Variants in BABAM2 observed in about 807,000 individuals in gnomAD.
The protein encoded by BABAM2 is BRISC and BRCA1 A complex member 2.
A neutral mutation model predicts 54.7 loss-of-function variants in BABAM2; 31 were observed. The ratio of observed to expected loss-of-function variants is 0.57; its 90% confidence interval spans 0.43 to 0.77. The LOEUF is 0.77. Among genes scored for constraint, BABAM2 ranks in the 30% least tolerant of loss-of-function variants. The pLI, the probability that BABAM2 is intolerant of heterozygous loss-of-function variation, is 0.00. For synonymous variants in BABAM2, 167 were observed against 162.9 expected (o/e 1.03, Z -0.19); for missense variants, 364 against 455.8 (o/e 0.80, Z 1.83).
In BABAM2 at chr2:28,270,459, G is replaced by T. The variant is rs534712134; in HGVS notation, c.934+25597G>T. The stretch of plus-strand genomic sequence containing the variant: ...AAAATTAAATTATCTCTTTAAAAAG[G>T]AGCAGGCCTAGGAACAAGCTCTTTA... On this transcript the variant is annotated intron_variant, in intron 10 of 11. Coordinates refer to ENST00000379624, the MANE Select transcript of BABAM2 (RefSeq NM_199191.3). Among the ~76,000 whole-genome samples the T allele has an allele frequency of 9.8e-5, 15 of 152,312 alleles. No homozygotes were observed. The South Asian group carries it at 3.1e-3, about 32-fold the overall frequency.
chr2:28,315,466 C>CTTTTA (rs1689466904), intron 11 of BABAM2, among the ~76,000 whole-genome samples: 1 of 126,208 alleles, frequency 7.9e-6, no homozygotes, highest in Admixed American at 8.2e-5. Context: ...CTTTTCTTTT[C>CTTTTA]TTTTCTTTTC....
At chr2:28,164,485 G>A (rs1173085438) in intron 7 of BABAM2, among the ~76,000 whole-genome samples, 2 of 151,140 alleles carry the variant, frequency 1.3e-5, no homozygotes, top group Non-Finnish European at 2.9e-5. Flanking sequence ...GTGAACAGAT[G>A]TTTATCCCAC....
intron 6 of BABAM2, among the ~76,000 whole-genome samples, chr2:28,117,191 T>C (rs1277479698): frequency 6.6e-6 from 1 of 152,216 alleles, no homozygotes; most frequent in Non-Finnish European, 1.5e-5. Flanking sequence ...AAAGCTTTCC[T>C]CTGGCAGGTA....
intron 3 of BABAM2, among the ~76,000 whole-genome samples, chr2:27,934,586 G>C (rs1668357455): frequency 1.3e-5 from 2 of 152,224 alleles, no homozygotes; most frequent in African/African-American, 2.4e-5. Flanking sequence ...AGTGAGGAAG[G>C]CATGTTGAAA....
chr2:28,098,117 T>A (rs1006006671), intron 6 of BABAM2, among the ~76,000 whole-genome samples: 2 of 152,266 alleles, frequency 1.3e-5, no homozygotes, highest in Admixed American at 6.5e-5. Context: ...CAGTGTTTTA[T>A]TAAATCTACA....
intron 4 of BABAM2, among the ~76,000 whole-genome samples, chr2:28,001,248 AG>A (rs1446851385): frequency 6.6e-6 from 1 of 152,184 alleles, no homozygotes; most frequent in Non-Finnish European, 1.5e-5. Context: ...GATTATTTTA[AG>A]ATCCCATTTG....
intron 6 of BABAM2, among the ~76,000 whole-genome samples, chr2:28,117,951 A>T (rs1180187451): frequency 3.3e-5 from 5 of 152,186 alleles, no homozygotes; most frequent in Non-Finnish European, 7.4e-5. Flanking sequence ...CTTTTCTTTA[A>T]GTTATGGAGA....
chr2:28,062,840 G>A (rs752796754), intron 6 of BABAM2, among the ~76,000 whole-genome samples: 3 of 152,172 alleles, frequency 2.0e-5, no homozygotes, highest in Non-Finnish European at 4.4e-5. Context: ...TCTAATGTGT[G>A]CCATTCTGTG....
intron 4 of BABAM2, among the ~76,000 whole-genome samples, chr2:28,001,190 C>A (rs958571582): frequency 6.6e-6 from 1 of 152,196 alleles, no homozygotes; most frequent in Non-Finnish European, 1.5e-5. Flanking sequence ...TTACTGATGT[C>A]TTCAACTCTT....
intron 11 of BABAM2, among the ~76,000 whole-genome samples, chr2:28,334,659 T>C (rs1036353947): frequency 6.6e-6 from 1 of 152,198 alleles, no homozygotes; most frequent in African/African-American, 2.4e-5. Flanking sequence ...CAAGGCTCTC[T>C]CCGGCCGCAC....
chr2:28,261,809 GC>G (rs1684568309), intron 10 of BABAM2, among the ~76,000 whole-genome samples: 1 of 141,498 alleles, frequency 7.1e-6, no homozygotes, highest in African/African-American at 2.7e-5. Flanking sequence ...CCTTCCAGTG[GC>G]CTCCAGACCT....
chr2:27,948,419 C>T (rs967692142), intron 3 of BABAM2, among the ~76,000 whole-genome samples: 1 of 152,086 alleles, frequency 6.6e-6, no homozygotes, highest in Non-Finnish European at 1.5e-5. Flanking sequence ...AATCTGAATG[C>T]CTTTTCTTTC....
At chr2:27,902,636 A>G (rs1008381723) in intron 2 of BABAM2, among the ~76,000 whole-genome samples, 1 of 152,150 alleles carries the variant, frequency 6.6e-6, no homozygotes, top group Non-Finnish European at 1.5e-5. Context: ...GCTTATTGGC[A>G]ATTCAGATTT....
At chr2:28,214,435 G>A (rs1679752036) in intron 7 of BABAM2, among the ~76,000 whole-genome samples, 1 of 152,056 alleles carries the variant, frequency 6.6e-6, no homozygotes, top group African/African-American at 2.4e-5. Context: ...TTGATTTTGT[G>A]TCCAACAATC....
chr2:28,064,597 A>G (rs1177745608), intron 6 of BABAM2, among the ~76,000 whole-genome samples: 1 of 152,212 alleles, frequency 6.6e-6, no homozygotes, highest in African/African-American at 2.4e-5. Context: ...TGTTCAATTG[A>G]TACTTGATTC....
intron 7 of BABAM2, among the ~76,000 whole-genome samples, chr2:28,166,300 T>G (rs948594882): frequency 6.6e-6 from 1 of 152,098 alleles, no homozygotes; most frequent in African/African-American, 2.4e-5. Flanking sequence ...GAAGAGTAAC[T>G]TGAAGTAGGA....
intron 6 of BABAM2, among the ~76,000 whole-genome samples, chr2:28,098,621 A>G (rs1406950147): frequency 6.6e-6 from 1 of 152,214 alleles, no homozygotes. Flanking sequence ...GAAATAAAGG[A>G]ATCAGCTTAC....
At chr2:28,114,093 TCCCTTTGAAAACTA>T (rs1668380148) in intron 6 of BABAM2, among the ~76,000 whole-genome samples, 1 of 152,188 alleles carries the variant, frequency 6.6e-6, no homozygotes, top group African/African-American at 2.4e-5. Flanking sequence ...CTGGCAGCAT[TCCCTTTGAAAACTA>T]GCACAAGACA....
At chr2:28,016,233 T>C (rs1054776673) in intron 4 of BABAM2, 8 of 922,084 alleles carry the variant, frequency 8.7e-6, no homozygotes, top group Non-Finnish European at 1.2e-5. Flanking sequence ...GAGCTCTCAC[T>C]TGCACTTAAC....
Sources: gnomAD v4.1 joint callset for allele counts (sites outside exome capture counted in the v4.1 genomes callset) on GRCh38, gnomAD v4.1.1 for gene constraint, MANE v1.5 for transcripts, NCBI Gene and HGNC (gene_info 2026-07-23, HGNC 2026-07-21) for gene names.